The following GLDN variants were observed in gnomAD, a reference collection of about 807,000 sequenced individuals.
The protein encoded by GLDN is gliomedin, also known as collomin.
In GLDN, 47 loss-of-function variants were observed where a neutral mutation model predicts 56.5. That is an observed-to-expected ratio of 0.83 (90% confidence interval 0.66 to 1.06). GLDN has a LOEUF of 1.06. Ranked by LOEUF, GLDN falls within the 50% of genes least tolerant of loss-of-function variation. The pLI is 0.00. For synonymous variants in GLDN, 332 were observed against 278.8 expected, an observed-to-expected ratio of 1.19 and a Z score of -1.90; for missense variants, 782 against 714.3, an observed-to-expected ratio of 1.09 and a Z score of -1.08.
At chr15:51,356,428 T>C (rs576117152) in intron 1 of GLDN, among the ~76,000 whole-genome samples, 2 of 152,060 alleles carry the variant, frequency 1.3e-5, no homozygotes, top group South Asian at 4.2e-4. Context: ...GGATGCTGAG[T>C]TTGTTTTGGG....
chr15:51,370,252 G>A (rs1179104313), intron 1 of GLDN, among the ~76,000 whole-genome samples: 1 of 152,182 alleles, frequency 6.6e-6, no homozygotes, highest in African/African-American at 2.4e-5. Flanking sequence ...CATCCTCTGA[G>A]TGTTTCTCAC....
chr15:51,356,193 G>A (rs2037183048), intron 1 of GLDN, among the ~76,000 whole-genome samples: 2 of 147,036 alleles, frequency 1.4e-5, no homozygotes, highest in Non-Finnish European at 3.0e-5. Context: ...GGAACAGAGT[G>A]AGACTCTGTC....
At chr15:51,376,329 A>G (rs1403389677) in intron 1 of GLDN, among the ~76,000 whole-genome samples, 1 of 152,248 alleles carries the variant, frequency 6.6e-6, no homozygotes, top group Non-Finnish European at 1.5e-5. Flanking sequence ...GTATCTAAAC[A>G]TAGGAAAGGT....
At position 51,407,826 on chromosome 15, in the gene GLDN, G is replaced by A. The variant is rs915528277; in HGVS notation, c.*3072G>A. On this transcript the variant is annotated 3_prime_UTR_variant, in exon 10 of 10. Coordinates refer to ENST00000335449, the MANE Select transcript of GLDN (RefSeq NM_181789.4). ...TATGATCATCTGATGGCAAGTGAAG[G>A]AGAAATGAGTGATAGGGCTTTGCGT... 6.6e-6 allele frequency: 1 copy of A among 152,224 alleles called. No homozygotes were observed. Among genetic ancestry groups the A allele is most frequent in the Non-Finnish European group, 1.5e-5 (1 of 68,042 alleles). 9.4% of individuals were successfully genotyped at this position (152,224 alleles called of 1,614,324 possible).
intron 1 of GLDN, chr15:51,351,053 G>C (rs1002355968): frequency 4.4e-6 from 1 of 227,602 alleles, no homozygotes; most frequent in Non-Finnish European, 9.0e-6. Context: ...TTAAGTGAAC[G>C]TAAACTCAAG....
intron 2 of GLDN, among the ~76,000 whole-genome samples, chr15:51,378,279 T>C (rs2470172): frequency 0.53 from 80,267 of 152,104 alleles, 24,012 homozygotes; most frequent in African/African-American, 0.82. Flanking sequence ...AAACTATAAT[T>C]CTGTGACTTC....
At chr15:51,386,723 G>A (rs2037902913) in intron 4 of GLDN, among the ~76,000 whole-genome samples, 1 of 152,210 alleles carries the variant, frequency 6.6e-6, no homozygotes, top group Admixed American at 6.5e-5. Flanking sequence ...GACCCACAGG[G>A]ATAAGTGATA....
intron 6 of GLDN, among the ~76,000 whole-genome samples, chr15:51,398,684 T>G (rs1172625453): frequency 6.6e-6 from 1 of 152,230 alleles, no homozygotes; most frequent in African/African-American, 2.4e-5. Context: ...CCCAACTCAG[T>G]GGAGCCTGAT....
At chr15:51,362,597 G>T (rs1272277228) in intron 1 of GLDN, among the ~76,000 whole-genome samples, 2 of 152,094 alleles carry the variant, frequency 1.3e-5, no homozygotes, top group Non-Finnish European at 2.9e-5. Context: ...CTATTGTAAG[G>T]ACATTGGCTT....
chr15:51,400,967 A>G (rs1375038284), intron 8 of GLDN, among the ~76,000 whole-genome samples: 2 of 152,224 alleles, frequency 1.3e-5, no homozygotes, highest in Non-Finnish European at 2.9e-5. Context: ...GTCACACTCT[A>G]TCTGAGCAGG....
chr15:51,371,335 C>T (rs2037512243), intron 1 of GLDN, among the ~76,000 whole-genome samples: 1 of 152,186 alleles, frequency 6.6e-6, no homozygotes. Context: ...GTCCAGATAT[C>T]CTTGTATACT....
Position 51,400,330 on chromosome 15 carries a change from A to G in GLDN, c.902-43A>G, listed in dbSNP as rs771990009. On this transcript the variant is annotated intron_variant, in intron 7 of 9. Coordinates refer to ENST00000335449, the MANE Select transcript of GLDN (RefSeq NM_181789.4). Reference sequence around the variant, plus strand: ...TTCAGAAATTGAATACCTTCAAGTCATAATTGGCAGGCAAGTGACTTTCTT... The same window carrying G: ...TTCAGAAATTGAATACCTTCAAGTCGTAATTGGCAGGCAAGTGACTTTCTT... 16 of 1,614,022 alleles carry G rather than the reference A, an allele frequency of 9.9e-6. No homozygotes were observed. The Admixed American group carries it at 2.3e-4, about 24-fold the overall frequency.
intron 1 of GLDN, among the ~76,000 whole-genome samples, chr15:51,361,501 C>T (rs1321111007): frequency 1.3e-5 from 2 of 152,116 alleles, no homozygotes; most frequent in Non-Finnish European, 2.9e-5. Flanking sequence ...CCTAGGAATT[C>T]GTGCTACTCA....
intron 2 of GLDN, among the ~76,000 whole-genome samples, chr15:51,378,837 G>A (rs936576040): frequency 1.3e-4 from 20 of 152,220 alleles, no homozygotes; most frequent in African/African-American, 4.8e-4. Context: ...GGGCAGGGTA[G>A]TGGGCAGCAA....
rs1404365033 is a variant in GLDN at position 51,361,664 on chromosome 15, T to C, written c.364-15785T>C. On this transcript the variant is annotated intron_variant, in intron 1 of 9. Coordinates refer to ENST00000335449, the MANE Select transcript of GLDN (RefSeq NM_181789.4). ...CAAGAAACAGCGTGAACAAAACATA[T>C]ATATATCCCTGTTCTCTTGAGGTTT... Among the ~76,000 whole-genome samples, 3 of 152,188 alleles carry C rather than the reference T, an allele frequency of 2.0e-5. No homozygotes were observed. In the South Asian group the frequency reaches 6.2e-4, roughly 31 times the overall value.
In GLDN at chr15:51,397,577, A is replaced by T; in HGVS notation, c.796A>T (p.Met266Leu). The T allele has an allele frequency of 6.3e-7, 1 of 1,599,144 alleles. No individual in the cohort carries two copies. The highest frequency in any genetic ancestry group is 8.5e-7 in the Non-Finnish European group (1 of 1,171,740). ...RRAKGPRQPS[M>L]FNGQCPGETC... ...AGCCAAAGGCCCTCGGCAGCCAAGC[A>T]TGTTCAACGGCCAGTGCCCAGGTCA... Residue 266 changes from methionine to leucine, a missense_variant, in exon 6 of 10, where the codon ATG becomes TTG. Coordinates refer to ENST00000335449, the MANE Select transcript of GLDN (RefSeq NM_181789.4).
rs573928828 is a variant in GLDN, at chr15:51,392,716, G to A, written c.542-2119G>A. ...TGCAGGGCATTTGGGTGTGAACTGT[G>A]GGGTATCACGTTAATTGATCCATAT... On this transcript the variant is annotated intron_variant, in intron 4 of 9. Coordinates refer to ENST00000335449, the MANE Select transcript of GLDN (RefSeq NM_181789.4). 4.3e-5 allele frequency among the ~76,000 whole-genome samples: 6 copies of A among 141,122 alleles called. No homozygotes were observed. In the East Asian group the frequency reaches 1.3e-3, roughly 31 times the overall value. 92.6% of individuals were successfully genotyped at this position (141,122 alleles called of 152,430 possible). A position where few individuals can be genotyped will look rare whatever the true frequency, so the allele number is the denominator to read the frequency against.
chr15:51,385,474 A>C (rs754533912), intron 4 of GLDN: 2 of 152,256 alleles, frequency 1.3e-5, no homozygotes, highest in Non-Finnish European at 2.9e-5. Flanking sequence ...GAGATTCAGA[A>C]ATAAGCCCCC....
At chr15:51,374,184 G>C (rs62020112) in intron 1 of GLDN, among the ~76,000 whole-genome samples, 4,110 of 152,270 alleles carry the variant, frequency 0.027, 86 homozygotes, top group Non-Finnish European at 0.037. Flanking sequence ...ACCTGCCCCA[G>C]ATCAGTGATT....
Sources: gnomAD v4.1 joint callset for allele counts (sites outside exome capture counted in the v4.1 genomes callset) on GRCh38, gnomAD v4.1.1 for gene constraint, MANE v1.5 for transcripts, NCBI Gene and HGNC (gene_info 2026-07-23, HGNC 2026-07-21) for gene names.